Variants in C1GALT1 observed in about 807,000 individuals in gnomAD.
C1GALT1 encodes glycoprotein-N-acetylgalactosamine 3-beta-galactosyltransferase 1.
Under a neutral mutation model 31.0 loss-of-function variants are expected in C1GALT1, and 11 were observed. That is an observed-to-expected ratio of 0.36 (90% CI 0.22 to 0.59). C1GALT1 has a LOEUF of 0.59. Ranked by LOEUF, C1GALT1 falls within the 20% of genes least tolerant of loss-of-function variation. The pLI, the probability that C1GALT1 is intolerant of heterozygous loss-of-function variation, is 0.79. For synonymous variants in C1GALT1, 175 were observed against 143.6 expected, an observed-to-expected ratio of 1.22 and a Z score of -1.56; for missense variants, 424 against 425.2, an observed-to-expected ratio of 1.00 and a Z score of 0.03.
chr7:7,244,389 A>T lies in C1GALT1; in HGVS notation c.*662A>T, dbSNP rs540559245. 10 of 152,294 alleles carry T rather than the reference A, an allele frequency of 6.6e-5. No individual in the cohort carries two copies. The highest frequency in any genetic ancestry group is 2.4e-4 in the African/African-American group (10 of 41,584). The allele number at this position is 152,294 out of a possible 1,614,324, so 9.4% of individuals were successfully genotyped here. On this transcript the variant is annotated 3_prime_UTR_variant, in exon 4 of 4. Transcript: ENST00000436587. Reference sequence around the variant, plus strand: ...CTATATTATATACTTGATTCTAATTAGTCATCTTTTACGCAATCTCTGTTG... The same window carrying T: ...CTATATTATATACTTGATTCTAATTTGTCATCTTTTACGCAATCTCTGTTG...
chr7:7,168,290 T>C (rs898986356), intron 2 of C1GALT1, among the ~76,000 whole-genome samples: 2 of 152,198 alleles, frequency 1.3e-5, no homozygotes, highest in African/African-American at 4.8e-5. Flanking sequence ...AAGGCCAGCC[T>C]AGAGCAGGAG....
chr7:7,191,097 A>C (rs1051167781), intron 1 of C1GALT1, among the ~76,000 whole-genome samples: 3 of 152,022 alleles, frequency 2.0e-5, no homozygotes, highest in African/African-American at 7.3e-5. Flanking sequence ...AGAACTCTTT[A>C]TTTTGTAAAA....
intron 1 of C1GALT1, among the ~76,000 whole-genome samples, chr7:7,207,441 AGCTGGGACTGTAGTTGTGCACACTGT>A (rs2128237699): frequency 7.3e-6 from 1 of 136,186 alleles, no homozygotes; most frequent in Admixed American, 8.0e-5. Context: ...CTTCCTGGGT[AGCTGGGACTGTAGTTGTGCACACTGT>A]GCCTGGCTCA....
At chr7:7,197,256 A>G (rs1209060464) in intron 1 of C1GALT1, among the ~76,000 whole-genome samples, 3 of 150,980 alleles carry the variant, frequency 2.0e-5, no homozygotes, top group Admixed American at 6.6e-5. Flanking sequence ...AGCTTTCTAC[A>G]TATGGCTAGC....
rs1208468097 is a variant in C1GALT1, at chr7:7,243,940, C to CTA, written c.*221_*222dup. On this transcript the variant is annotated 3_prime_UTR_variant, in exon 4 of 4. Coordinates refer to ENST00000436587, the MANE Select transcript of C1GALT1 (RefSeq NM_020156.5). ...TTGATACAGTAATATATAAATATGT[C>CTA]TATATATATGAGGAACTTGTGTTTT... is the stretch of plus-strand genomic sequence containing the variant. 2 of 325,336 alleles carry CTA rather than the reference C, an allele frequency of 6.1e-6. No individual in the cohort carries two copies. The highest frequency in any genetic ancestry group is 1.1e-4 in the East Asian group (2 of 17,444). The allele number at this position is 325,336 out of a possible 1,614,324, so 20.2% of individuals were successfully genotyped here. A position where few individuals can be genotyped will look rare whatever the true frequency, so the allele number is the denominator to read the frequency against.
intron 1 of C1GALT1, among the ~76,000 whole-genome samples, chr7:7,216,087 A>G (rs947286105): frequency 6.6e-6 from 1 of 152,156 alleles, no homozygotes; most frequent in Non-Finnish European, 1.5e-5. Context: ...TAGAAATGCC[A>G]TGCTCTTCTG....
chr7:7,206,135 A>G (rs951813256), intron 1 of C1GALT1, among the ~76,000 whole-genome samples: 1 of 152,196 alleles, frequency 6.6e-6, no homozygotes, highest in Non-Finnish European at 1.5e-5. Flanking sequence ...CCCACCACTT[A>G]TTGATGTTGC....
chr7:7,165,219 C>T (rs150705666), intron 2 of C1GALT1, among the ~76,000 whole-genome samples: 6 of 152,208 alleles, frequency 3.9e-5, no homozygotes, highest in African/African-American at 1.2e-4. Flanking sequence ...AGGTTGTGCC[C>T]ACCCATCTGT....
At chr7:7,201,780 T>G (rs1781541675) in intron 1 of C1GALT1, among the ~76,000 whole-genome samples, 1 of 152,200 alleles carries the variant, frequency 6.6e-6, no homozygotes, top group African/African-American at 2.4e-5. Context: ...AAGCAGGGCT[T>G]TCAGGTTTCA....
chr7:7,214,409 C>T (rs1167042215), intron 1 of C1GALT1, among the ~76,000 whole-genome samples: 1 of 151,998 alleles, frequency 6.6e-6, no homozygotes, highest in Non-Finnish European at 1.5e-5. Flanking sequence ...AGCCTTTTTC[C>T]AGAAAAACAA....
Position 7,238,163 on chromosome 7 carries a change from T to C in C1GALT1, c.221-92T>C. ...CTAATAGAGGGATAAATAGGGACTT[T>C]GAAATTAGGACAGTGCTTTCTTCAG... is the stretch of plus-strand genomic sequence containing the variant. On this transcript the variant is annotated intron_variant, in intron 2 of 3. Transcript: ENST00000436587. The surrounding 1 kb of genome is among the most constrained non-coding windows in gnomAD (Gnocchi z 5.2). 8.0e-7 allele frequency: 1 copy of C among 1,254,938 alleles called. No individual in the cohort carries two copies. Among genetic ancestry groups the C allele is most frequent in the Non-Finnish European group, 1.1e-6 (1 of 919,116 alleles). 77.7% of individuals were successfully genotyped at this position (1,254,938 alleles called of 1,614,324 possible).
chr7:7,187,956 G>A (rs1358662303), intron 1 of C1GALT1, among the ~76,000 whole-genome samples: 1 of 152,152 alleles, frequency 6.6e-6, no homozygotes. Context: ...TCCGTGAAAG[G>A]ATTCATGGGG....
upstream of C1GALT1, chr7:7,182,431 G>T (rs1780623457): frequency 6.6e-6 from 1 of 152,266 alleles, no homozygotes; most frequent in South Asian, 2.1e-4. Context: ...CATTAGGGCG[G>T]AGCGTGCACC....
intron 2 of C1GALT1, among the ~76,000 whole-genome samples, chr7:7,169,669 G>C (rs1476422562): frequency 2.6e-5 from 4 of 151,668 alleles, no homozygotes; most frequent in Admixed American, 2.6e-4. Flanking sequence ...TTAGCCATTT[G>C]TACATTTTTT....
intron 1 of C1GALT1, among the ~76,000 whole-genome samples, chr7:7,218,370 G>C (rs1782347744): frequency 6.6e-6 from 1 of 152,184 alleles, no homozygotes; most frequent in Admixed American, 6.5e-5. Flanking sequence ...GCATTGAAAA[G>C]TATTATATTT....
At position 7,207,711 on chromosome 7, in the gene C1GALT1, T is replaced by G. The variant is rs114708492; in HGVS notation, c.-18+24891T>G. 2.1e-3 allele frequency among the ~76,000 whole-genome samples: 317 copies of G among 152,134 alleles called. 3 individuals are homozygous for G. Among genetic ancestry groups the G allele is most frequent in the African/African-American group, 7.3e-3 (302 of 41,536 alleles). ...ACCTTGTGACTTTTTTGTTGAAAAC[T>G]GGATGCTTAAATTTAATTTAATGTG... On this transcript the variant is annotated intron_variant, in intron 1 of 3. Transcript: ENST00000436587.
chr7:7,183,159 G>GCGCGCAGTGCGCCCGGAC (rs1373492109), intron 1 of C1GALT1, among the ~76,000 whole-genome samples: 2 of 151,980 alleles, frequency 1.3e-5, no homozygotes, highest in African/African-American at 4.8e-5. Flanking sequence ...GCGCGGCGGG[G>GCGCGCAGTGCGCCCGGAC]CGCGCAGTGC....
chr7:7,198,347 G>A (rs560769052), intron 1 of C1GALT1, among the ~76,000 whole-genome samples: 308 of 152,244 alleles, frequency 2.0e-3, no homozygotes, highest in African/African-American at 6.7e-3. Context: ...ATTGATTTGC[G>A]TATGTTGAAC....
At chr7:7,162,053 A>G (rs1235464519) in intron 2 of C1GALT1, among the ~76,000 whole-genome samples, 1 of 147,702 alleles carries the variant, frequency 6.8e-6, no homozygotes, top group Non-Finnish European at 1.5e-5. Flanking sequence ...CACTGGATTT[A>G]TCTTTCTTCA....
Sources: allele counts gnomAD v4.1 joint callset (sites outside exome capture counted in the v4.1 genomes callset), GRCh38; gene constraint gnomAD v4.1.1; non-coding constraint Gnocchi (gnomAD v3.1); transcripts MANE v1.5; gene names NCBI Gene and HGNC (gene_info 2026-07-23, HGNC 2026-07-21).